The following GABRG1 variants were observed in gnomAD, a reference collection of about 807,000 sequenced individuals.
The protein encoded by GABRG1 is gamma-aminobutyric acid receptor subunit gamma-1.
A neutral mutation model predicts 49.8 loss-of-function variants in GABRG1; 49 were observed. The ratio of observed to expected loss-of-function variants is 0.98; its 90% CI spans 0.78 to 1.25. The LOEUF (loss-of-function observed/expected upper bound fraction) is 1.25. GABRG1 is among the 50% of genes most tolerant of loss of function. GABRG1 has a pLI of 0.00. For missense variants in GABRG1, 552 were observed against 552.3 expected, an observed-to-expected ratio of 1.00 and a Z score of 0.01; for synonymous variants, 232 against 185.1, an observed-to-expected ratio of 1.25 and a Z score of -2.06.
chr4:46,071,541 A>G (rs1285555944), intron 3 of GABRG1, among the ~76,000 whole-genome samples: 2 of 151,432 alleles, frequency 1.3e-5, no homozygotes, highest in Non-Finnish European at 2.9e-5. Flanking sequence ...TCCTCAGGCA[A>G]GTCCTTCAGT....
Position 46,058,574 on chromosome 4 carries a change from A to G in GABRG1, c.674T>C (p.Val225Ala). 1 of 1,613,036 alleles carries G rather than the reference A, an allele frequency of 6.2e-7. No homozygotes were observed. The highest frequency in any genetic ancestry group is 1.1e-5 in the South Asian group (1 of 91,020). Residue 225 changes from valine to alanine, a missense_variant, in exon 6 of 9, where the codon GTA becomes GCA. Physicochemically the swap from Val to Ala is moderately conservative, Grantham distance 64. Transcript: ENST00000295452. ...EIEYKWKKPS[V>A]EVADPKYWRL... Reference sequence around the variant, plus strand: ...CCAGTATTTAGGATCAGCCACTTCTACGGAGGGCTTTTTCCACTTATACTC... The same window carrying G: ...CCAGTATTTAGGATCAGCCACTTCTGCGGAGGGCTTTTTCCACTTATACTC...
chr4:46,101,324 T>C lies in GABRG1; in HGVS notation c.105-3975A>G, dbSNP rs2109433860. Among the ~76,000 whole-genome samples, 5 of 151,738 alleles carry C rather than the reference T, an allele frequency of 3.3e-5. No homozygotes were observed. In the South Asian group the frequency reaches 1.0e-3, roughly 31 times the overall value. ...AGTTTTCCTGGCACAACATATACCT[T>C]TATTGAATAATCTAGGGTGGTTCGG... is the stretch of plus-strand genomic sequence containing the variant. On this transcript the variant is annotated intron_variant, in intron 1 of 8. Transcript: ENST00000295452.
chr4:46,045,294 T>G (rs76346589), intron 8 of GABRG1, among the ~76,000 whole-genome samples: 4,783 of 152,132 alleles, frequency 0.031, 176 homozygotes, highest in South Asian at 0.18. Flanking sequence ...ATTGTAAATT[T>G]TTAATAAGCT....
Position 46,079,077 on chromosome 4 carries a change from T to G in GABRG1, c.321+4909A>C, listed in dbSNP as rs563549129. Among the ~76,000 whole-genome samples the G allele has an allele frequency of 8.4e-4, 127 of 151,962 alleles. 1 individual carries two copies. The highest frequency in any genetic ancestry group is 2.6e-3 in the African/African-American group (107 of 41,518). On this transcript the variant is annotated intron_variant, in intron 3 of 8. Coordinates refer to ENST00000295452, the MANE Select transcript of GABRG1 (RefSeq NM_173536.4). The stretch of plus-strand genomic sequence containing the variant: ...ATTTTTGTTTAAAAAGTTTTGTTTT[T>G]TTTTTTTCCTTTTGTAGAAAGCAAT...
At chr4:46,060,492 A>C (rs1718631911) in intron 5 of GABRG1, among the ~76,000 whole-genome samples, 1 of 152,186 alleles carries the variant, frequency 6.6e-6, no homozygotes, top group East Asian at 1.9e-4. Flanking sequence ...TTTGTAGCTA[A>C]AAAGTTCTTT....
At chr4:46,075,399 T>A (rs1167438483) in intron 3 of GABRG1, among the ~76,000 whole-genome samples, 1 of 151,998 alleles carries the variant, frequency 6.6e-6, no homozygotes, top group Non-Finnish European at 1.5e-5. Context: ...GCTCACTGTA[T>A]TGCCCGAGCT....
At chr4:46,047,368 A>C (rs538966053) in intron 8 of GABRG1, among the ~76,000 whole-genome samples, 1 of 152,084 alleles carries the variant, frequency 6.6e-6, no homozygotes, top group Non-Finnish European at 1.5e-5. Flanking sequence ...TTCTTCAAAA[A>C]ATTACTTCAG....
chr4:46,064,650 T>C (rs1017689024), intron 4 of GABRG1, 127 bp from the exon 5 acceptor site: 2 of 426,034 alleles, frequency 4.7e-6, no homozygotes, highest in Non-Finnish European at 8.4e-6. Flanking sequence ...AATATAATAA[T>C]GATTCTAAAG....
rs531965701 is a variant in GABRG1, at chr4:46,078,820, A to T, written c.321+5166T>A. On this transcript the variant is annotated intron_variant, in intron 3 of 8. Transcript: ENST00000295452. Reference sequence around the variant, plus strand: ...ATTTTGAATTTTTATAAAACAAATTAAAAAATTTTTTGAATTTTTTGACAC... The same window carrying T: ...ATTTTGAATTTTTATAAAACAAATTTAAAAATTTTTTGAATTTTTTGACAC... 3.9e-5 allele frequency among the ~76,000 whole-genome samples: 6 copies of T among 152,122 alleles called. 1 individual carries two copies. The highest frequency in any genetic ancestry group is 7.2e-5 in the African/African-American group (3 of 41,540).
chr4:46,053,387 C>T lies in GABRG1; in HGVS notation c.917-1749G>A, dbSNP rs76236251. Among the ~76,000 whole-genome samples, 92 of 151,892 alleles carry T rather than the reference C, an allele frequency of 6.1e-4. 1 individual carries two copies. In the East Asian group the frequency reaches 0.016, roughly 26 times the overall value. ...AATTTCTTTTCAAAGTTTCTATATC[C>T]TAATTAACTTTTTCTTGTAGTTCTA... On this transcript the variant is annotated intron_variant, in intron 7 of 8. Coordinates refer to ENST00000295452, the MANE Select transcript of GABRG1 (RefSeq NM_173536.4).
At chr4:46,105,236 T>C (rs1462479553) in intron 1 of GABRG1, among the ~76,000 whole-genome samples, 2 of 151,306 alleles carry the variant, frequency 1.3e-5, no homozygotes, top group Admixed American at 6.6e-5. Context: ...AGATGCACCA[T>C]TGGCAGAGGT....
chr4:46,078,391 G>T (rs1312939755), intron 3 of GABRG1, among the ~76,000 whole-genome samples: 11 of 151,820 alleles, frequency 7.2e-5, no homozygotes, highest in Non-Finnish European at 4.4e-5. Context: ...GAATAAAAAG[G>T]GTTTCTTTGA....
chr4:46,108,303 A>G (rs896376262), intron 1 of GABRG1, among the ~76,000 whole-genome samples: 6 of 151,114 alleles, frequency 4.0e-5, no homozygotes, highest in African/African-American at 1.5e-4. Flanking sequence ...AATTTTTGGC[A>G]CACACATTCA....
intron 3 of GABRG1, among the ~76,000 whole-genome samples, chr4:46,068,794 C>T (rs1412047065): frequency 1.4e-5 from 2 of 145,736 alleles, no homozygotes; most frequent in Non-Finnish European, 3.0e-5. Flanking sequence ...TTCCTGTTCA[C>T]AGGTTATAAT....
chr4:46,110,268 C>A (rs991561550), intron 1 of GABRG1, among the ~76,000 whole-genome samples: 3 of 150,918 alleles, frequency 2.0e-5, no homozygotes, highest in Non-Finnish European at 3.0e-5. Flanking sequence ...TTATGCAATG[C>A]CCTCCTTTGT....
chr4:46,065,920 C>G (rs1468311707), intron 3 of GABRG1, among the ~76,000 whole-genome samples: 1 of 152,054 alleles, frequency 6.6e-6, no homozygotes, highest in East Asian at 1.9e-4. Context: ...GAGGGGGTTT[C>G]ACCGTGTTAG....
chr4:46,092,327 A>C (rs1331774000), intron 2 of GABRG1, among the ~76,000 whole-genome samples: 1 of 152,014 alleles, frequency 6.6e-6, no homozygotes, highest in Non-Finnish European at 1.5e-5. Context: ...TAATAGCAAA[A>C]TGACACTGTA....
chr4:46,074,957 G>A (rs1026310379), intron 3 of GABRG1, among the ~76,000 whole-genome samples: 10 of 151,986 alleles, frequency 6.6e-5, no homozygotes, highest in Non-Finnish European at 1.2e-4. Flanking sequence ...GGTGCTGACT[G>A]AGTCACTTAT....
In GABRG1 at chr4:46,050,661, C is replaced by T. The variant is rs572010728; in HGVS notation, c.1131+763G>A. 9.4e-4 allele frequency among the ~76,000 whole-genome samples: 143 copies of T among 151,870 alleles called. 3 individuals carry two copies. In the South Asian group the frequency reaches 0.027, roughly 29 times the overall value. ...CAGGATATATAAAGGAAGGGTCACA[C>T]GCTTGAGCTCTGGCACCAAAAAGGA... On this transcript the variant is annotated intron_variant, in intron 8 of 8. Coordinates refer to ENST00000295452, the MANE Select transcript of GABRG1 (RefSeq NM_173536.4).
Sources: gnomAD v4.1 joint callset for allele counts (sites outside exome capture counted in the v4.1 genomes callset) on GRCh38, gnomAD v4.1.1 for gene constraint, MANE v1.5 for transcripts, NCBI Gene and HGNC (gene_info 2026-07-23, HGNC 2026-07-21) for gene names.